CLCN3: variants seen among roughly 807,000 people sequenced by gnomAD.
CLCN3 encodes the protein H(+)/Cl(-) exchange transporter 3.
In CLCN3, 16 loss-of-function variants were observed where a neutral mutation model predicts 83.4. The observed-to-expected ratio is 0.19, with a 90% CI of 0.13 to 0.29. CLCN3 has a LOEUF of 0.29. Among genes scored for constraint, CLCN3 ranks in the 10% least tolerant of loss-of-function variants. The pLI is 1.00. For synonymous variants in CLCN3, 322 were observed against 346.2 expected, an observed-to-expected ratio of 0.93 and a Z score of 0.78; for missense variants, 544 against 1,006.0, an observed-to-expected ratio of 0.54 and a Z score of 6.21.
chr4:169,690,137 C>CTTTTTTTTTTTT (rs397769904), intron 5 of CLCN3, among the ~76,000 whole-genome samples: 6 of 110,458 alleles, frequency 5.4e-5, no homozygotes, highest in South Asian at 2.8e-4. Context: ...TCTTTTCTTT[C>CTTTTTTTTTTTT]TTTTTTTTTT....
intron 12 of CLCN3, among the ~76,000 whole-genome samples, chr4:169,719,491 AAG>A (rs1733552373): frequency 6.6e-6 from 1 of 152,178 alleles, no homozygotes; most frequent in Admixed American, 6.5e-5. Context: ...ATAAATGAAA[AAG>A]AGAAAATATT....
intron 1 of CLCN3, among the ~76,000 whole-genome samples, chr4:169,630,656 G>A (rs908085523): frequency 3.3e-5 from 5 of 151,976 alleles, no homozygotes; most frequent in East Asian, 1.9e-4. Context: ...TCAGCCTCCC[G>A]AGTAGCTGGA....
chr4:169,668,386 A>T (rs1731331777), intron 2 of CLCN3, among the ~76,000 whole-genome samples: 1 of 152,152 alleles, frequency 6.6e-6, no homozygotes, highest in African/African-American at 2.4e-5. Flanking sequence ...TTGTTTTTCT[A>T]CTATCTGTCA....
intron 10 of CLCN3, among the ~76,000 whole-genome samples, chr4:169,704,658 G>A (rs1296066467): frequency 6.6e-6 from 1 of 152,118 alleles, no homozygotes; most frequent in Non-Finnish European, 1.5e-5. Context: ...ATCATCTAAG[G>A]TATATTTGTA....
At chr4:169,710,624 G>T (rs1257171729) in intron 11 of CLCN3, among the ~76,000 whole-genome samples, 1 of 151,972 alleles carries the variant, frequency 6.6e-6, no homozygotes, top group African/African-American at 2.4e-5. Context: ...GTTCACTTCT[G>T]GTACTTTGTA....
At chr4:169,694,700 G>A (rs35136788) in intron 7 of CLCN3, among the ~76,000 whole-genome samples, 26,180 of 152,056 alleles carry the variant, frequency 0.17, 2,908 homozygotes, top group South Asian at 0.3. Flanking sequence ...TTAGCCGGGC[G>A]TGGTGGCAGG....
chr4:169,698,321 G>A (rs1732647179), intron 9 of CLCN3, among the ~76,000 whole-genome samples: 1 of 152,094 alleles, frequency 6.6e-6, no homozygotes, highest in Non-Finnish European at 1.5e-5. Flanking sequence ...TTCATGACTA[G>A]CACCTAGGCT....
intron 2 of CLCN3, among the ~76,000 whole-genome samples, chr4:169,654,591 G>A (rs570480408): frequency 1.3e-5 from 2 of 151,696 alleles, no homozygotes; most frequent in African/African-American, 2.4e-5. Flanking sequence ...CATTTTTAAC[G>A]TTTATAATGA....
At chr4:169,668,681 G>A (rs1334174913) in intron 2 of CLCN3, among the ~76,000 whole-genome samples, 1 of 151,012 alleles carries the variant, frequency 6.6e-6, no homozygotes, top group East Asian at 1.9e-4. Context: ...TTAGGTAGTA[G>A]AATAGTAGTC....
At chr4:169,711,386 G>A (rs563807440) in intron 11 of CLCN3, among the ~76,000 whole-genome samples, 34 of 152,122 alleles carry the variant, frequency 2.2e-4, no homozygotes, top group East Asian at 1.4e-3. Context: ...TTTTTGAGAC[G>A]GAGTTTCACT....
chr4:169,662,410 A>G (rs1204774044), intron 2 of CLCN3, among the ~76,000 whole-genome samples: 2 of 152,188 alleles, frequency 1.3e-5, no homozygotes, highest in East Asian at 1.9e-4. Flanking sequence ...CCTAGTGTCT[A>G]TGCGTAAGAT....
At chr4:169,651,136 C>G (rs1314355131) in intron 2 of CLCN3, among the ~76,000 whole-genome samples, 1 of 151,994 alleles carries the variant, frequency 6.6e-6, no homozygotes, top group East Asian at 1.9e-4. Context: ...GTTTATACCT[C>G]ACTTACCACC....
chr4:169,692,399 A>T, intron 7 of CLCN3, 79 bp downstream of exon 7: 1 of 617,412 alleles, frequency 1.6e-6, no homozygotes, highest in Non-Finnish European at 2.4e-6. Flanking sequence ...TTCTTAGTGT[A>T]AAAATAATAA....
chr4:169,714,047 C>T (rs908845491), intron 12 of CLCN3, among the ~76,000 whole-genome samples: 112 of 152,218 alleles, frequency 7.4e-4, no homozygotes, highest in African/African-American at 2.6e-3. Context: ...AAATACACTA[C>T]TTCGTCACCA....
At chr4:169,693,968 T>A (rs2090504066) in intron 7 of CLCN3, among the ~76,000 whole-genome samples, 1 of 152,154 alleles carries the variant, frequency 6.6e-6, no homozygotes, top group Non-Finnish European at 1.5e-5. Context: ...TATTTTTAAA[T>A]TAAATGCTTC....
At chr4:169,663,487 G>T (rs1462464696) in intron 2 of CLCN3, 2 of 284,786 alleles carry the variant, frequency 7.0e-6, no homozygotes, top group Non-Finnish European at 1.4e-5. Flanking sequence ...GCAACACCTT[G>T]CCTGGCTAAT....
At chr4:169,626,950 T>C (rs1434895596) in intron 1 of CLCN3, among the ~76,000 whole-genome samples, 1 of 152,230 alleles carries the variant, frequency 6.6e-6, no homozygotes, top group Non-Finnish European at 1.5e-5. Context: ...CGTTTAGAAT[T>C]GTTCAGACGT....
At chr4:169,688,720 C>T (rs780874273) in intron 4 of CLCN3, among the ~76,000 whole-genome samples, 1 of 152,002 alleles carries the variant, frequency 6.6e-6, no homozygotes, top group Non-Finnish European at 1.5e-5. Flanking sequence ...ATTAAGTTAT[C>T]GATTGAAAAT....
intron 5 of CLCN3, among the ~76,000 whole-genome samples, chr4:169,690,215 G>A (rs553390050): frequency 2.2e-5 from 3 of 135,774 alleles, no homozygotes; most frequent in South Asian, 2.3e-4. Flanking sequence ...GCACGATCTC[G>A]GCTCCCTGCA....
Sources: gnomAD v4.1 joint callset for allele counts (sites outside exome capture counted in the v4.1 genomes callset) on GRCh38, gnomAD v4.1.1 for gene constraint, MANE v1.5 for transcripts, NCBI Gene and HGNC (gene_info 2026-07-23, HGNC 2026-07-21) for gene names.